PTCD1: variants seen among roughly 807,000 people sequenced by gnomAD.
PTCD1 encodes the protein pentatricopeptide repeat-containing protein 1, mitochondrial.
In PTCD1, 50 loss-of-function variants were observed where a neutral mutation model predicts 53.4. The ratio of observed to expected loss-of-function variants is 0.94; its 90% CI spans 0.75 to 1.19. PTCD1 has a LOEUF of 1.19. PTCD1 is among the 50% of genes most tolerant of loss of function. PTCD1 has a pLI of 0.00. For missense variants in PTCD1, 918 were observed against 904.8 expected, an observed-to-expected ratio of 1.01 and a Z score of -0.19; for synonymous variants, 413 against 394.8, an observed-to-expected ratio of 1.05 and a Z score of -0.55.
At position 99,438,717 on chromosome 7, in the gene PTCD1, C is replaced by G. The variant is rs1245799495; in HGVS notation, c.-52G>C. On this transcript the variant is annotated 5_prime_UTR_variant, in exon 1 of 8. Transcript: ENST00000292478. ...TTGAAGTGTCCGGCGCAGTGCACTC[C>G]GACGGGGAGCCCTGCCCGGTCCCCG... 30 of 1,296,496 alleles carry G rather than the reference C, an allele frequency of 2.3e-5. No homozygotes were observed. The highest frequency in any genetic ancestry group is 2.9e-5 in the Non-Finnish European group (29 of 996,856). The allele number at this position is 1,296,496 out of a possible 1,614,324, so 80.3% of individuals were successfully genotyped here.
intron 7 of PTCD1, among the ~76,000 whole-genome samples, chr7:99,420,389 C>G (rs1795748615): frequency 1.3e-5 from 2 of 152,170 alleles, no homozygotes; most frequent in African/African-American, 4.8e-5. Context: ...GCGTTCTTCC[C>G]AAATAGGCAC....
Position 99,425,348 on chromosome 7 carries a change from G to A in PTCD1, c.1184C>T (p.Ala395Val). ...TTCCGGAGGCTCTGGAGGCCCAAGTGCCTGAGAAGGTTCCAGAAACAGCTG... is the reference window on the plus strand; with the variant it reads ...TTCCGGAGGCTCTGGAGGCCCAAGTACCTGAGAAGGTTCCAGAAACAGCTG... ...ERQLFLEPSQ[A>V]LGPPEPPEAR... Residue 395 changes from alanine to valine, a missense_variant, in exon 6 of 8, where the codon GCA becomes GTA. Ala to Val is a moderately conservative substitution (Grantham distance 64). Transcript: ENST00000292478. 1.9e-6 allele frequency: 3 copies of A among 1,614,172 alleles called. No individual in the cohort carries two copies. The highest frequency in any genetic ancestry group is 2.5e-6 in the Non-Finnish European group (3 of 1,180,030).
chr7:99,425,541 C>T lies in PTCD1; in HGVS notation c.991G>A (p.Asp331Asn). Residue 331 changes from aspartate to asparagine, a missense_variant, in exon 6 of 8, where the codon GAC becomes AAC. Coordinates refer to ENST00000292478, the MANE Select transcript of PTCD1 (RefSeq NM_015545.4). Reference protein sequence around the residue: ...SYNLLLVAARDCGLGDPQVAS... With the variant: ...SYNLLLVAARNCGLGDPQVAS... ...ACCTGGGGGTCCCCTAGGCCACAGT[C>T]CCGAGCTGCCACCAACAGCAGGTTG... The T allele has an allele frequency of 6.2e-7, 1 of 1,612,798 alleles. No individual in the cohort carries two copies. The highest frequency in any genetic ancestry group is 8.5e-7 in the Non-Finnish European group (1 of 1,179,928).
chr7:99,436,247 G>A (rs1670741206), intron 1 of PTCD1, among the ~76,000 whole-genome samples: 1 of 152,052 alleles, frequency 6.6e-6, no homozygotes, highest in South Asian at 2.1e-4. Context: ...CCAGCCTAAA[G>A]TATTTTAGAG....
At chr7:99,420,290 T>C in intron 7 of PTCD1, 141 bp from the exon 8 acceptor site, 1 of 1,216,668 alleles carries the variant, frequency 8.2e-7, no homozygotes, top group South Asian at 1.3e-5. Context: ...GCAGAAAAGC[T>C]GTGAACACGC....
At chr7:99,427,145 C>A (rs1348924338) in intron 5 of PTCD1, among the ~76,000 whole-genome samples, 7 of 149,744 alleles carry the variant, frequency 4.7e-5, no homozygotes, top group Admixed American at 1.3e-4. Flanking sequence ...GTCAGCCCCC[C>A]ACCCGGCCAG....
intron 5 of PTCD1, among the ~76,000 whole-genome samples, chr7:99,427,664 G>C (rs974559051): frequency 1.3e-5 from 2 of 152,100 alleles, no homozygotes; most frequent in African/African-American, 4.8e-5. Flanking sequence ...GAATAGAAAG[G>C]GGGGAAAGGT....
intron 7 of PTCD1, 51 bp downstream of exon 7, chr7:99,423,724 G>C (rs376344427): frequency 1.9e-6 from 3 of 1,611,630 alleles, no homozygotes; most frequent in Admixed American, 1.7e-5. Context: ...GTGGGGGGAG[G>C]GGGTAGCAAT....
At chr7:99,425,659 G>C in intron 5 of PTCD1, 43 bp from the exon 6 acceptor site, 1 of 1,568,692 alleles carries the variant, frequency 6.4e-7, no homozygotes, top group Non-Finnish European at 8.6e-7. Context: ...CTCCCATTCA[G>C]CAGCTGGGCG....
Position 99,419,867 on chromosome 7 carries a change from G to A in PTCD1, c.*100C>T. On this transcript the variant is annotated 3_prime_UTR_variant, in exon 8 of 8. Transcript: ENST00000292478. Reference sequence around the variant, plus strand: ...TGACACGCTGCGGCTGTTCCTCAGGGCCTGGCTCTTCCCCCAGGCAGGAGG... The same window carrying A: ...TGACACGCTGCGGCTGTTCCTCAGGACCTGGCTCTTCCCCCAGGCAGGAGG... 6.3e-7 allele frequency: 1 copy of A among 1,589,372 alleles called. No homozygotes were observed. Among genetic ancestry groups the A allele is most frequent in the African/African-American group, 1.3e-5 (1 of 74,692 alleles).
chr7:99,429,158 A>T lies in PTCD1; in HGVS notation c.860T>A (p.Phe287Tyr). The change falls in exon 5 of 8, where the codon TTC becomes TAC. Residue 287 changes from phenylalanine to tyrosine, a missense_variant. Coordinates refer to ENST00000292478, the MANE Select transcript of PTCD1 (RefSeq NM_015545.4). ...GHVVTEETFS[F>Y]LLMGCIQDKK... The stretch of plus-strand genomic sequence containing the variant: ...GTCTTGGATGCAGCCCATGAGCAGG[A>T]AACTGAAGGTCTCCTCTGTGACCAC... 6.2e-7 allele frequency: 1 copy of T among 1,614,126 alleles called. No homozygotes were observed. Among genetic ancestry groups the T allele is most frequent in the Non-Finnish European group, 8.5e-7 (1 of 1,180,010 alleles).
intron 2 of PTCD1, among the ~76,000 whole-genome samples, chr7:99,434,061 A>C (rs1461076566): frequency 3.7e-5 from 5 of 134,020 alleles, no homozygotes; most frequent in African/African-American, 5.7e-5. Flanking sequence ...CAAAAAAAAA[A>C]AAAAAACAAA....
In PTCD1 at chr7:99,416,957, T is replaced by G. The variant is rs538355038; in HGVS notation, c.*3010A>C. On this transcript the variant is annotated 3_prime_UTR_variant, in exon 8 of 8. Coordinates refer to ENST00000292478, the MANE Select transcript of PTCD1 (RefSeq NM_015545.4). Reference sequence around the variant, plus strand: ...TCTTAACTCAAATGATCCTCTGGCGTTGGCTTCCAAAAGTGCTGGGATTAC... The same window carrying G: ...TCTTAACTCAAATGATCCTCTGGCGGTGGCTTCCAAAAGTGCTGGGATTAC... 1 of 162,930 alleles carries G rather than the reference T, an allele frequency of 6.1e-6. No individual in the cohort carries two copies. The highest frequency in any genetic ancestry group is 1.4e-5 in the Non-Finnish European group (1 of 73,966). The allele number at this position is 162,930 out of a possible 1,614,324, so 10.1% of individuals were successfully genotyped here.
intron 1 of PTCD1, chr7:99,438,416 G>A (rs1389295665): frequency 1.4e-6 from 1 of 691,530 alleles, no homozygotes; most frequent in Admixed American, 6.2e-5. Flanking sequence ...AGTGAGCTAT[G>A]ATCGTACCCC....
chr7:99,424,145 T>C (rs564635633), intron 6 of PTCD1, among the ~76,000 whole-genome samples, 188 bp from the exon 7 acceptor site: 7 of 152,154 alleles, frequency 4.6e-5, no homozygotes, highest in Non-Finnish European at 7.3e-5. Context: ...TGCTCAGCCC[T>C]AAAGAAGCTG....
At position 99,433,303 on chromosome 7, in the gene PTCD1, T is replaced by G. The variant is rs111989725; in HGVS notation, c.569A>C (p.Lys190Thr). The change falls in exon 3 of 8, where the codon AAG becomes ACG. Residue 190 changes from lysine to threonine, a missense_variant. Physicochemically the swap from Lys to Thr is moderately conservative, Grantham distance 78. Coordinates refer to ENST00000292478, the MANE Select transcript of PTCD1 (RefSeq NM_015545.4). ...IGGCGRVGYL[K>T]KAFNLYNQMK... ...CTGGTTGTAGAGGTTGAAGGCCTTCTTCAGGTAGCCAACCCGCCCGCAGCC... is the reference window on the plus strand; with the variant it reads ...CTGGTTGTAGAGGTTGAAGGCCTTCGTCAGGTAGCCAACCCGCCCGCAGCC... 6 of 1,614,046 alleles carry G rather than the reference T, an allele frequency of 3.7e-6. No individual in the cohort carries two copies. The highest frequency in any genetic ancestry group is 1.3e-5 in the African/African-American group (1 of 74,898).
In PTCD1 at chr7:99,420,052, G is replaced by A. The variant is rs1795728657; in HGVS notation, c.2018C>T (p.Pro673Leu). 6.2e-7 allele frequency: 1 copy of A among 1,614,200 alleles called. No homozygotes were observed. Among genetic ancestry groups the A allele is most frequent in the East Asian group, 2.2e-5 (1 of 44,882 alleles). ...GGGCTTGGTCCGGAACTTCTGCCAG[G>A]GGTGCGGGGTTTCCTCTGCGGGCAT... ...TVMPAEETPH[P>L]WQKFRTKPQG... is the part of the protein sequence containing the mutation. The change falls in exon 8 of 8, where the codon CCC becomes CTC. Residue 673 changes from proline to leucine, a missense_variant. Pro to Leu is a moderately conservative substitution (Grantham distance 98, BLOSUM62 -3). Coordinates refer to ENST00000292478, the MANE Select transcript of PTCD1 (RefSeq NM_015545.4).
At position 99,419,602 on chromosome 7, in the gene PTCD1, C is replaced by A. The variant is rs548346307; in HGVS notation, c.*365G>T. On this transcript the variant is annotated 3_prime_UTR_variant, in exon 8 of 8. Transcript: ENST00000292478. ...CAGCTGTGATTTGTAAAAATAAAATCTTTAAATCTCTCGAGCCCCACGTCT... is the reference window on the plus strand; with the variant it reads ...CAGCTGTGATTTGTAAAAATAAAATATTTAAATCTCTCGAGCCCCACGTCT... 84 of 877,330 alleles carry A rather than the reference C, an allele frequency of 9.6e-5. No individual in the cohort carries two copies. The African/African-American group carries it at 1.2e-3, about 12-fold the overall frequency. 54.3% of individuals were successfully genotyped at this position (877,330 alleles called of 1,614,324 possible). A position where few individuals can be genotyped will look rare whatever the true frequency, so the allele number is the denominator to read the frequency against.
Position 99,434,836 on chromosome 7 carries a change from G to A in PTCD1, c.407C>T (p.Pro136Leu), listed in dbSNP as rs753527469. 2.3e-5 allele frequency: 37 copies of A among 1,614,024 alleles called. No homozygotes were observed. The highest frequency in any genetic ancestry group is 4.4e-5 in the South Asian group (4 of 91,090). ...TTTGCACTGCAAGAAGTACCAGTAC[G>A]GGGTGTTTCTCCGGCCTCGCCATAA... ...PKLWRGRRNT[P>L]YWYFLQCKHL... The change falls in exon 2 of 8, where the codon CCG becomes CTG. Residue 136 changes from proline to leucine, a missense_variant. Physicochemically the swap from Pro to Leu is moderately conservative, Grantham distance 98. Coordinates refer to ENST00000292478, the MANE Select transcript of PTCD1 (RefSeq NM_015545.4).
Sources: gnomAD v4.1 joint callset for allele counts (sites outside exome capture counted in the v4.1 genomes callset) on GRCh38, gnomAD v4.1.1 for gene constraint, MANE v1.5 for transcripts, NCBI Gene and HGNC (gene_info 2026-07-23, HGNC 2026-07-21) for gene names.